Variants in HDAC4 observed in about 807,000 individuals in gnomAD.
HDAC4 encodes histone deacetylase A.
A neutral mutation model predicts 135.1 loss-of-function variants in HDAC4; 16 were observed. That is an observed-to-expected ratio of 0.12 (90% confidence interval 0.08 to 0.18). The LOEUF (loss-of-function observed/expected upper bound fraction) is 0.18. Among genes scored for constraint, HDAC4 ranks in the 10% least tolerant of loss-of-function variants. HDAC4 has a pLI of 1.00. For missense variants in HDAC4, 1,143 were observed against 1,511.8 expected (o/e 0.76, Z 4.05); for synonymous variants, 685 against 653.4 (o/e 1.05, Z -0.74).
At chr2:239,225,700 G>A (rs1337278005) in intron 3 of HDAC4, among the ~76,000 whole-genome samples, 1 of 150,948 alleles carries the variant, frequency 6.6e-6, no homozygotes, top group Non-Finnish European at 1.5e-5. Flanking sequence ...TCAGGCGCCT[G>A]ACTAAACCGC....
Position 239,231,782 on chromosome 2 carries a change from G to A in HDAC4, c.94+4811C>T, listed in dbSNP as rs1214060129. On this transcript the variant is annotated intron_variant, in intron 3 of 26. Transcript: ENST00000543185. Reference sequence around the variant, plus strand: ...GATGCCTGAGGTAGGTGTCCTCCCCGAAGCGCCCCTGTCCTCAACCGAGGC... The same window carrying A: ...GATGCCTGAGGTAGGTGTCCTCCCCAAAGCGCCCCTGTCCTCAACCGAGGC... 7.7e-4 allele frequency among the ~76,000 whole-genome samples: 27 copies of A among 34,878 alleles called. 1 individual carries two copies. The highest frequency in any genetic ancestry group is 3.8e-3 in the African/African-American group (23 of 6,094). The allele number at this position is 34,878 out of a possible 152,430, so 22.9% of individuals were successfully genotyped here.
chr2:239,234,794 C>T (rs766703405), intron 3 of HDAC4, among the ~76,000 whole-genome samples: 47 of 152,266 alleles, frequency 3.1e-4, no homozygotes, highest in Middle Eastern at 3.4e-3. Context: ...AGGCAGGGTG[C>T]GCTTCCCAAG....
At chr2:239,162,119 T>A (rs1208179659) in intron 6 of HDAC4, 1 of 456,680 alleles carries the variant, frequency 2.2e-6, no homozygotes, top group South Asian at 1.5e-5. Context: ...GACCCCTGCT[T>A]CCCAGCAGCC....
chr2:239,384,397 TGAGACCAG>T (rs1695640168), intron 1 of HDAC4, among the ~76,000 whole-genome samples: 1 of 148,606 alleles, frequency 6.7e-6, no homozygotes, highest in Admixed American at 6.8e-5. Flanking sequence ...GAGGATCCCT[TGAGACCAG>T]GAGCTCAAGA....
chr2:239,282,630 T>C (rs182003687), intron 2 of HDAC4, among the ~76,000 whole-genome samples: 1 of 136,630 alleles, frequency 7.3e-6, no homozygotes, highest in East Asian at 2.2e-4. Context: ...CACTCGACAA[T>C]GTACACACCA....
intron 1 of HDAC4, among the ~76,000 whole-genome samples, chr2:239,391,443 T>C (rs1225282662): frequency 6.6e-6 from 1 of 152,080 alleles, no homozygotes; most frequent in Non-Finnish European, 1.5e-5. Flanking sequence ...CAAGGCCCGG[T>C]CAGCAGCAGG....
chr2:239,110,579 T>C (rs1575063229), intron 14 of HDAC4, among the ~76,000 whole-genome samples: 2 of 152,374 alleles, frequency 1.3e-5, no homozygotes, highest in Admixed American at 1.3e-4. Flanking sequence ...AATTTGTCTC[T>C]GAATATGAAT....
chr2:239,304,257 G>A (rs1015549884), intron 2 of HDAC4, among the ~76,000 whole-genome samples: 1 of 152,172 alleles, frequency 6.6e-6, no homozygotes, highest in Non-Finnish European at 1.5e-5. Context: ...AAGGCCTCAA[G>A]CAGTGTGAGC....
At chr2:239,085,979 G>A (rs2035906327) in intron 19 of HDAC4, 3 of 104,524 alleles carry the variant, frequency 2.9e-5, no homozygotes, top group African/African-American at 4.0e-5. Flanking sequence ...CCCTGTACAC[G>A]AAGGAGACTC....
At chr2:239,232,541 T>C (rs570821384) in intron 3 of HDAC4, among the ~76,000 whole-genome samples, 20 of 144,080 alleles carry the variant, frequency 1.4e-4, no homozygotes, top group Non-Finnish European at 1.2e-4. Context: ...CCTCCAAGGG[T>C]GGCCCTTCCC....
chr2:239,261,779 G>GGT (rs199968974), intron 2 of HDAC4, among the ~76,000 whole-genome samples: 2,942 of 152,264 alleles, frequency 0.019, 103 homozygotes, highest in African/African-American at 0.066. Flanking sequence ...TAGAAGGCGA[G>GGT]GTTTCCAACT....
intron 2 of HDAC4, among the ~76,000 whole-genome samples, chr2:239,248,455 C>T (rs1470121070): frequency 6.6e-6 from 1 of 152,178 alleles, no homozygotes; most frequent in Non-Finnish European, 1.5e-5. Flanking sequence ...GCTGGGATTA[C>T]AGGCATGAGC....
chr2:239,351,679 G>C (rs774352792), intron 2 of HDAC4: 5 of 154,390 alleles, frequency 3.2e-5, no homozygotes, highest in Non-Finnish European at 4.4e-5. Flanking sequence ...TCCACCCAGG[G>C]AAAGATGTGT....
intron 2 of HDAC4, among the ~76,000 whole-genome samples, chr2:239,283,314 C>T (rs974372499): frequency 2.0e-5 from 3 of 152,214 alleles, no homozygotes; most frequent in Non-Finnish European, 4.4e-5. Context: ...CTCTGAGATC[C>T]GGAGGAAGGG....
chr2:239,247,806 A>G (rs1347782649), intron 2 of HDAC4, among the ~76,000 whole-genome samples: 1 of 152,228 alleles, frequency 6.6e-6, no homozygotes, highest in Non-Finnish European at 1.5e-5. Flanking sequence ...GGCTGGGAGC[A>G]TCAAAGCAGA....
intron 1 of HDAC4, among the ~76,000 whole-genome samples, chr2:239,374,070 T>A (rs2126019819): frequency 6.6e-6 from 1 of 152,128 alleles, no homozygotes; most frequent in South Asian, 2.1e-4. Context: ...CAAGCCCCTC[T>A]AAGGAGGGAC....
At chr2:239,099,719 G>A (rs1407491854) in intron 16 of HDAC4, among the ~76,000 whole-genome samples, 3 of 152,282 alleles carry the variant, frequency 2.0e-5, no homozygotes, top group Admixed American at 6.5e-5. Flanking sequence ...CAATCCATGC[G>A]CCATCTTCTC....
At chr2:239,384,229 G>A (rs1026774328) in intron 1 of HDAC4, among the ~76,000 whole-genome samples, 2 of 152,188 alleles carry the variant, frequency 1.3e-5, no homozygotes, top group Admixed American at 6.5e-5. Context: ...GGATACCTGC[G>A]TGGGCTGAAA....
chr2:239,183,088 G>A (rs2044257498), intron 4 of HDAC4, among the ~76,000 whole-genome samples: 1 of 152,210 alleles, frequency 6.6e-6, no homozygotes. Flanking sequence ...AAACTATAAT[G>A]AGCAATTTAA....
Sources: allele counts gnomAD v4.1 joint callset (sites outside exome capture counted in the v4.1 genomes callset), GRCh38; gene constraint gnomAD v4.1.1; transcripts MANE v1.5; gene names NCBI Gene and HGNC (gene_info 2026-07-23, HGNC 2026-07-21).